Variants in TRIM61 observed in about 807,000 individuals in gnomAD.
TRIM61 encodes putative tripartite motif-containing protein 61.
TRIM61 carries 1 observed loss-of-function variant against 14.2 expected under a neutral mutation model. The ratio of observed to expected loss-of-function variants is 0.07; its 90% CI spans 0.03 to 0.33. The LOEUF (loss-of-function observed/expected upper bound fraction) is 0.33, where lower values mean the gene tolerates loss of function less well. Ranked by LOEUF, TRIM61 falls within the 10% of genes least tolerant of loss-of-function variation. The probability of loss-of-function intolerance (pLI) is 0.99; values close to 1 mark genes in which losing one functional copy is unlikely to be tolerated. For missense variants in TRIM61, 19 were observed against 202.2 expected (o/e 0.09, Z 5.49); for synonymous variants, 8 against 71.6 (o/e 0.11, Z 4.49).
intron 2 of TRIM61, among the ~76,000 whole-genome samples, chr4:164,970,895 T>C (rs1176635232): frequency 6.6e-6 from 1 of 151,266 alleles, no homozygotes; most frequent in African/African-American, 2.4e-5. Flanking sequence ...AGGCCGGGAG[T>C]TCAAGACCAG....
chr4:164,960,878 G>A (rs1229733541), intron 3 of TRIM61, among the ~76,000 whole-genome samples: 3 of 151,948 alleles, frequency 2.0e-5, no homozygotes, highest in Non-Finnish European at 2.9e-5. Flanking sequence ...TTGAAACCAG[G>A]AAGCGGAGGT....
At chr4:164,957,774 C>T (rs1210036142) in intron 3 of TRIM61, 4 of 313,282 alleles carry the variant, frequency 1.3e-5, no homozygotes, top group African/African-American at 6.6e-5. Flanking sequence ...AACTTTCAGA[C>T]CATATTTTCT....
intron 3 of TRIM61, chr4:164,956,938 C>T (rs1732005280): frequency 7.5e-7 from 1 of 1,328,724 alleles, no homozygotes; most frequent in South Asian, 1.5e-5. Flanking sequence ...GCGGCCGGCA[C>T]CGTCTCTGGG....
chr4:164,971,627 A>C (rs1489495999), intron 2 of TRIM61, among the ~76,000 whole-genome samples: 1 of 151,992 alleles, frequency 6.6e-6, no homozygotes, highest in Non-Finnish European at 1.5e-5. Flanking sequence ...AGAAAACATG[A>C]ATGTAGCAAA....
At chr4:164,960,958 A>T (rs538491248) in intron 3 of TRIM61, among the ~76,000 whole-genome samples, 1 of 152,104 alleles carries the variant, frequency 6.6e-6, no homozygotes, top group Non-Finnish European at 1.5e-5. Flanking sequence ...CTCAAAAAAA[A>T]TGTATACATA....
chr4:164,955,452 C>T (rs887009196), intron 3 of TRIM61, among the ~76,000 whole-genome samples: 15 of 151,240 alleles, frequency 9.9e-5, no homozygotes, highest in African/African-American at 3.2e-4. Flanking sequence ...GACTGCAACC[C>T]GAGTAGTGTG....
intron 3 of TRIM61, among the ~76,000 whole-genome samples, chr4:164,959,917 G>A (rs76286329): frequency 4.0e-3 from 607 of 152,242 alleles, no homozygotes; most frequent in African/African-American, 0.014. Flanking sequence ...GCTAACTCCA[G>A]TACTTCAGAT....
chr4:164,954,982 TC>T lies in TRIM61; in HGVS notation c.*9del. ...TGGGCATGGTGGAGGGCACCTGTAG[TC>T]CCAGCTACTCAGGAGCCAGAGGCAG... On this transcript the variant is annotated 3_prime_UTR_variant, in exon 4 of 5. Coordinates refer to ENST00000329314, the MANE Select transcript of TRIM61 (RefSeq NM_001012414.3). 1 of 306,400 alleles carries T rather than the reference TC, an allele frequency of 3.3e-6. No individual in the cohort carries two copies. Among genetic ancestry groups the T allele is most frequent in the Non-Finnish European group, 6.6e-6 (1 of 150,380 alleles). The allele number at this position is 306,400 out of a possible 1,614,324, so 19.0% of individuals were successfully genotyped here. A position where few individuals can be genotyped will look rare whatever the true frequency, so the allele number is the denominator to read the frequency against.
chr4:164,955,453 G>A (rs1443293434), intron 3 of TRIM61, among the ~76,000 whole-genome samples: 2 of 151,136 alleles, frequency 1.3e-5, no homozygotes, highest in African/African-American at 4.9e-5. Flanking sequence ...ACTGCAACCC[G>A]AGTAGTGTGG....
intron 3 of TRIM61, chr4:164,968,068 C>T (rs1426488355): frequency 1.5e-6 from 1 of 688,292 alleles, no homozygotes; most frequent in Non-Finnish European, 1.8e-6. Flanking sequence ...TGAAGAATAG[C>T]TTGAACCTGG....
At chr4:164,965,156 C>T (rs1048985743) in intron 3 of TRIM61, among the ~76,000 whole-genome samples, 2 of 151,980 alleles carry the variant, frequency 1.3e-5, no homozygotes, top group Non-Finnish European at 2.9e-5. Flanking sequence ...GGCACGGTGA[C>T]GCGAGTCTGT....
intron 3 of TRIM61, 132 bp downstream of exon 3, chr4:164,968,149 G>A: frequency 3.0e-6 from 3 of 984,764 alleles, no homozygotes; most frequent in Non-Finnish European, 3.6e-6. Flanking sequence ...AAAGGGGAGG[G>A]GAGGGGAGAA....
At chr4:164,956,992 G>C in intron 3 of TRIM61, 1 of 1,457,920 alleles carries the variant, frequency 6.9e-7, no homozygotes, top group Non-Finnish European at 9.1e-7. Flanking sequence ...CGCGACGTTG[G>C]AGACCGGGGC....
At chr4:164,957,181 C>A in intron 3 of TRIM61, 1 of 1,613,162 alleles carries the variant, frequency 6.2e-7, no homozygotes, top group Admixed American at 1.7e-5. Flanking sequence ...CCGGCGGCCG[C>A]CATGGCAGTG....
At chr4:164,959,645 C>A (rs1343939057) in intron 3 of TRIM61, among the ~76,000 whole-genome samples, 2 of 152,126 alleles carry the variant, frequency 1.3e-5, no homozygotes, top group African/African-American at 2.4e-5. Context: ...CACAGGCTTC[C>A]CCAACTCCCA....
intron 3 of TRIM61, chr4:164,968,828 G>T: frequency 2.0e-6 from 2 of 983,116 alleles, no homozygotes; most frequent in Non-Finnish European, 2.4e-6. Context: ...ATTCTGACTA[G>T]ATCGCCAAAT....
intron 3 of TRIM61, chr4:164,957,315 A>G (rs1400409995): frequency 2.5e-6 from 4 of 1,614,034 alleles, no homozygotes; most frequent in East Asian, 2.2e-5. Context: ...CCAGAGAGGA[A>G]TTTTAGTGGC....
In TRIM61 at chr4:164,956,815, T is replaced by A. The variant is rs1731999344; in HGVS notation, c.526-1719A>T. On this transcript the variant is annotated intron_variant, in intron 3 of 4. Transcript: ENST00000329314. ...GAGGTTCCTTCAGAATGCAACTTTC[T>A]CACAGAACACAAGGCTCTCAAGGGG... The A allele has an allele frequency of 5.4e-6, 3 of 553,538 alleles. No homozygotes were observed. The Admixed American group carries it at 1.1e-4, about 20-fold the overall frequency. The allele number at this position is 553,538 out of a possible 1,614,324, so 34.3% of individuals were successfully genotyped here.
intron 3 of TRIM61, among the ~76,000 whole-genome samples, chr4:164,965,464 T>TTTTG (rs1732219255): frequency 1.4e-5 from 2 of 143,198 alleles, no homozygotes; most frequent in Admixed American, 7.4e-5. Flanking sequence ...TTTTTTTTTT[T>TTTTG]GAGATGATAC....
Sources: allele counts gnomAD v4.1 joint callset (sites outside exome capture counted in the v4.1 genomes callset), GRCh38; gene constraint gnomAD v4.1.1; transcripts MANE v1.5; gene names NCBI Gene and HGNC (gene_info 2026-07-23, HGNC 2026-07-21).